The following MS4A8 variants were observed in gnomAD, a reference collection of about 807,000 sequenced individuals.
MS4A8 encodes membrane spanning 4-domains A8, also known as membrane-spanning 4-domains subfamily A member 8.
In MS4A8, 27 loss-of-function variants were observed where a neutral mutation model predicts 23.7. The ratio of observed to expected loss-of-function variants is 1.14; its 90% CI spans 0.84 to 1.57. The LOEUF (loss-of-function observed/expected upper bound fraction) is 1.57. MS4A8 is among the 40% of genes most tolerant of loss of function. The pLI is 0.00. For missense variants in MS4A8, 301 were observed against 311.4 expected (o/e 0.97, Z 0.25); for synonymous variants, 138 against 126.3 (o/e 1.09, Z -0.62).
intron 1 of MS4A8, 106 bp from the exon 2 acceptor site, chr11:60,700,754 C>A: frequency 9.2e-7 from 1 of 1,085,598 alleles, no homozygotes. Flanking sequence ...GATTCATAAA[C>A]TTGTAGAGGG....
intron 1 of MS4A8, 70 bp from the exon 2 acceptor site, chr11:60,700,790 A>C: frequency 4.0e-6 from 6 of 1,499,234 alleles, no homozygotes; most frequent in Non-Finnish European, 4.6e-6. Context: ...GAGCTAGAAG[A>C]AGCAAAAGTC....
chr11:60,712,989 T>TG (rs940592482), intron 5 of MS4A8, among the ~76,000 whole-genome samples: 19 of 152,170 alleles, frequency 1.2e-4, no homozygotes, highest in Admixed American at 1.1e-3. Flanking sequence ...TGGGTATTCT[T>TG]GGGTAACAGC....
At position 60,715,098 on chromosome 11, in the gene MS4A8, C is replaced by G; in HGVS notation, c.612C>G (p.His204Gln). The stretch of plus-strand genomic sequence containing the variant: ...TTGGCATCGCATGCGCATCTTCCCA[C>G]TTTGGCTGCCAGTTGGTCTGCTGTC... ...LEFGIACASS[H>Q]FGCQLVCCQS... The change falls in exon 6 of 7, where the codon CAC (histidine) becomes CAG (glutamine). Residue 204 changes from histidine (H) to glutamine (Q), a missense_variant. Coordinates refer to ENST00000300226, the MANE Select transcript of MS4A8 (RefSeq NM_031457.2). 6.2e-7 allele frequency: 1 copy of G among 1,614,168 alleles called. No homozygotes were observed. The highest frequency in any genetic ancestry group is 2.2e-5 in the East Asian group (1 of 44,876).
intron 6 of MS4A8, 86 bp from the exon 7 acceptor site, chr11:60,715,224 G>A (rs866385859): frequency 1.3e-6 from 2 of 1,491,996 alleles, no homozygotes; most frequent in Non-Finnish European, 1.9e-6. Flanking sequence ...GCCTGCTCAG[G>A]AGCAGGAGTA....
intron 5 of MS4A8, among the ~76,000 whole-genome samples, chr11:60,709,841 C>T (rs1218775728): frequency 4.6e-5 from 7 of 152,206 alleles, no homozygotes; most frequent in Non-Finnish European, 8.8e-5. Flanking sequence ...AACCAACCCA[C>T]CTCCTCTTCG....
chr11:60,700,183 G>T (rs1241355785), intron 1 of MS4A8, among the ~76,000 whole-genome samples: 2 of 152,164 alleles, frequency 1.3e-5, no homozygotes, highest in Non-Finnish European at 2.9e-5. Context: ...ACTCAATGTT[G>T]TCCAAGAGAT....
intron 2 of MS4A8, among the ~76,000 whole-genome samples, chr11:60,702,481 C>G (rs1224885777): frequency 6.6e-6 from 1 of 152,262 alleles, no homozygotes; most frequent in African/African-American, 2.4e-5. Flanking sequence ...TGGCTCACTG[C>G]AACCTCTGCC....
At position 60,708,419 on chromosome 11, in the gene MS4A8, G is replaced by A. The variant is rs561145607; in HGVS notation, c.403-231G>A. On this transcript the variant is annotated intron_variant, in intron 4 of 6. Transcript: ENST00000300226. ...GGATTCACATTAAGAAACACTTTTT[G>A]ATGAAAAGAGTTATAGAGATGGATG... Among the ~76,000 whole-genome samples, 4 of 152,258 alleles carry A rather than the reference G, an allele frequency of 2.6e-5. No homozygotes were observed. The East Asian group carries it at 5.8e-4, about 22-fold the overall frequency.
chr11:60,705,233 C>A (rs541736715), intron 3 of MS4A8, among the ~76,000 whole-genome samples: 7 of 152,348 alleles, frequency 4.6e-5, no homozygotes, highest in African/African-American at 1.2e-4. Flanking sequence ...GTATCTCTGA[C>A]CTTCGTGGAA....
chr11:60,703,457 CTA>C lies in MS4A8; in HGVS notation c.301_302del (p.Ile101PhefsTer144), dbSNP rs1393883551. On this transcript the variant is annotated frameshift_variant, in exon 3 of 7. Coordinates refer to ENST00000300226, the MANE Select transcript of MS4A8 (RefSeq NM_031457.2). LOFTEE classifies it high-confidence loss of function. ...ACGGTTCTCGTAGGGGAATACCTGTCTATTTCATTCTACGGAGGCTTTCCCTT... is the reference window on the plus strand; with the variant it reads ...ACGGTTCTCGTAGGGGAATACCTGTCTTTCATTCTACGGAGGCTTTCCCTT... The C allele has an allele frequency of 6.2e-7, 1 of 1,609,196 alleles. No homozygotes were observed. The highest frequency in any genetic ancestry group is 1.3e-5 in the African/African-American group (1 of 74,616).
chr11:60,708,362 C>A (rs988041139), intron 4 of MS4A8, among the ~76,000 whole-genome samples: 1 of 152,176 alleles, frequency 6.6e-6, no homozygotes, highest in Non-Finnish European at 1.5e-5. Flanking sequence ...GCACAGAACA[C>A]CCCTTTACTT....
At chr11:60,705,055 C>G (rs1292620245) in intron 3 of MS4A8, among the ~76,000 whole-genome samples, 3 of 152,184 alleles carry the variant, frequency 2.0e-5, no homozygotes, top group Non-Finnish European at 2.9e-5. Flanking sequence ...CAGCCCAAGT[C>G]CCTCTACCTT....
chr11:60,713,957 G>T (rs1353801227), intron 5 of MS4A8, among the ~76,000 whole-genome samples: 1 of 124,858 alleles, frequency 8.0e-6, no homozygotes, highest in Non-Finnish European at 1.5e-5. Context: ...TCGCTCTGTC[G>T]CCCAGGCCGG....
intron 4 of MS4A8, among the ~76,000 whole-genome samples, chr11:60,707,512 A>G (rs1470085775): frequency 6.6e-6 from 1 of 152,214 alleles, no homozygotes; most frequent in African/African-American, 2.4e-5. Flanking sequence ...GAACTCTGAT[A>G]ATCAACATGG....
rs1223329095 is a variant in MS4A8 at position 60,704,831 on chromosome 11, CACACAT to C, written c.342+1337_342+1342del. ...CCCTGCCCACACACACACACACACA[CACACAT>C]ACACACACACACATACAAACAAACA... On this transcript the variant is annotated intron_variant, in intron 3 of 6. Transcript: ENST00000300226. Among the ~76,000 whole-genome samples, 319 of 103,814 alleles carry C rather than the reference CACACAT, an allele frequency of 3.1e-3. 3 individuals are homozygous for C. Among genetic ancestry groups the C allele is most frequent in the African/African-American group, 0.012 (307 of 25,138 alleles). 68.1% of individuals were successfully genotyped at this position (103,814 alleles called of 152,430 possible). A position where few individuals can be genotyped will look rare whatever the true frequency, so the allele number is the denominator to read the frequency against.
rs144685654 is a variant in MS4A8, at chr11:60,704,268, G to A, written c.342+768G>A. On this transcript the variant is annotated intron_variant, in intron 3 of 6. Coordinates refer to ENST00000300226, the MANE Select transcript of MS4A8 (RefSeq NM_031457.2). ...CCCTAGTAGCTGGGATTACAGACGC[G>A]CACCACCACGCCCGGCTAATTTTTG... Among the ~76,000 whole-genome samples, 200 of 151,682 alleles carry A rather than the reference G, an allele frequency of 1.3e-3. 2 individuals are homozygous for A. Among genetic ancestry groups the A allele is most frequent in the Admixed American group, 3.0e-3 (45 of 15,246 alleles).
chr11:60,700,684 ATG>A (rs1354128008), intron 1 of MS4A8, among the ~76,000 whole-genome samples, 174 bp from the exon 2 acceptor site: 1 of 152,216 alleles, frequency 6.6e-6, no homozygotes, highest in East Asian at 1.9e-4. Flanking sequence ...ATGAAAGGAA[ATG>A]TATTTGTAAA....
intron 3 of MS4A8, among the ~76,000 whole-genome samples, chr11:60,705,293 G>A (rs2088246134): frequency 6.6e-6 from 1 of 152,190 alleles, no homozygotes; most frequent in Non-Finnish European, 1.5e-5. Context: ...GCCTACCATT[G>A]AGCACACAAT....
Position 60,700,993 on chromosome 11 carries a change from C to T in MS4A8, c.133C>T (p.Leu45=). 1.2e-6 allele frequency: 2 copies of T among 1,614,224 alleles called. No homozygotes were observed. The highest frequency in any genetic ancestry group is 1.7e-6 in the Non-Finnish European group (2 of 1,180,046). Residue 45 remains leucine (L), a synonymous_variant, in exon 2 of 7, where the codon CTA becomes TTA. Coordinates refer to ENST00000300226, the MANE Select transcript of MS4A8 (RefSeq NM_031457.2). ...TCCAAACAGCCAGCCGCAAGTCCAC[C>T]TAGTTCCTGGGAACCCACCTAGTTT... The part of the protein sequence containing the change: ...LYPNSQPQVH[L]VPGNPPSLVS...
Sources: allele counts gnomAD v4.1 joint callset (sites outside exome capture counted in the v4.1 genomes callset), GRCh38; gene constraint gnomAD v4.1.1; transcripts MANE v1.5; gene names NCBI Gene and HGNC (gene_info 2026-07-23, HGNC 2026-07-21).